NUGGC: variants seen among roughly 807,000 people sequenced by gnomAD.
NUGGC encodes nuclear GTPase SLIP-GC.
Under a neutral mutation model 92.6 loss-of-function variants are expected in NUGGC, and 58 were observed. The observed-to-expected ratio is 0.63, with a 90% confidence interval of 0.51 to 0.78. The LOEUF (loss-of-function observed/expected upper bound fraction) is 0.78, where lower values mean the gene tolerates loss of function less well. Among genes scored for constraint, NUGGC ranks in the 30% least tolerant of loss-of-function variants. The probability of loss-of-function intolerance (pLI) is 0.00; values close to 1 mark genes in which losing one functional copy is unlikely to be tolerated. For missense variants in NUGGC, 925 were observed against 964.6 expected (o/e 0.96, Z 0.54); for synonymous variants, 376 against 366.4 (o/e 1.03, Z -0.30).
At chr8:28,075,769 T>C (rs1810706787) in intron 1 of NUGGC, among the ~76,000 whole-genome samples, 1 of 152,194 alleles carries the variant, frequency 6.6e-6, no homozygotes, top group East Asian at 1.9e-4. Flanking sequence ...ACGGCTTCTG[T>C]ATTTGGTGGG....
At chr8:28,045,364 A>G (rs1809802850) in intron 12 of NUGGC, among the ~76,000 whole-genome samples, 163 bp downstream of exon 12, 3 of 152,160 alleles carry the variant, frequency 2.0e-5, no homozygotes, top group Admixed American at 1.3e-4. Context: ...AAATGTTATG[A>G]TTTTAACCCT....
At chr8:28,055,502 G>A (rs567735150) in intron 10 of NUGGC, among the ~76,000 whole-genome samples, 2 of 152,308 alleles carry the variant, frequency 1.3e-5, no homozygotes, top group East Asian at 3.9e-4. Flanking sequence ...CTTTAAAGAT[G>A]AGAAAATGGT....
Position 28,032,832 on chromosome 8 carries a change from T to G in NUGGC, c.1769+708A>C, listed in dbSNP as rs925187754. 3.3e-5 allele frequency among the ~76,000 whole-genome samples: 5 copies of G among 151,512 alleles called. No individual in the cohort carries two copies. The East Asian group carries it at 9.8e-4, about 30-fold the overall frequency. ...CATGTATGTGAGCAGGCAGAGTGTG[T>G]CAGAAACAGACACAGCATCTTCAGT... On this transcript the variant is annotated intron_variant, in intron 14 of 18. Coordinates refer to ENST00000413272, the MANE Select transcript of NUGGC (RefSeq NM_001010906.2).
chr8:28,050,411 G>C (rs990915030), intron 10 of NUGGC, among the ~76,000 whole-genome samples: 3 of 151,274 alleles, frequency 2.0e-5, no homozygotes, highest in Admixed American at 6.6e-5. Context: ...GAAAGGAAAA[G>C]AAAGGAAAGG....
chr8:28,031,421 G>A (rs754385600), intron 14 of NUGGC, 40 bp from the exon 15 acceptor site: 1 of 1,602,200 alleles, frequency 6.2e-7, no homozygotes, highest in Non-Finnish European at 8.5e-7. Flanking sequence ...GAGAATGGTG[G>A]CTGCTGTGAG....
intron 18 of NUGGC, among the ~76,000 whole-genome samples, chr8:28,024,359 C>G (rs1217090247): frequency 2.0e-5 from 3 of 152,010 alleles, no homozygotes; most frequent in African/African-American, 4.8e-5. Context: ...CTTGGTTGGG[C>G]CTTTGTCTGC....
intron 2 of NUGGC, among the ~76,000 whole-genome samples, chr8:28,072,990 T>C (rs1341777427): frequency 2.8e-5 from 4 of 143,704 alleles, no homozygotes; most frequent in African/African-American, 8.1e-5. Context: ...TGCGGTTTCA[T>C]TGTTGACTGT....
At chr8:28,023,748 A>G (rs1254468102) in intron 18 of NUGGC, among the ~76,000 whole-genome samples, 1 of 152,182 alleles carries the variant, frequency 6.6e-6, no homozygotes, top group Non-Finnish European at 1.5e-5. Context: ...ATGTTGCACA[A>G]TAACACCTCC....
chr8:28,082,173 T>C (rs1346230583), intron 1 of NUGGC, among the ~76,000 whole-genome samples: 1 of 152,024 alleles, frequency 6.6e-6, no homozygotes, highest in Non-Finnish European at 1.5e-5. Context: ...GGCCTCCAAA[T>C]CTCTAAAGGA....
chr8:28,074,343 T>G lies in NUGGC; in HGVS notation c.43+25A>C, dbSNP rs1286963325. The G allele has an allele frequency of 3.3e-6, 5 of 1,536,858 alleles. No homozygotes were observed. The Admixed American group carries it at 6.7e-5, about 21-fold the overall frequency. ...CAGTAATCAGTTCCTATATCCTCCA[T>G]CAGAAGATACTGCAAAGATGTTACC... On this transcript the variant is annotated intron_variant, in intron 2 of 18. Coordinates refer to ENST00000413272, the MANE Select transcript of NUGGC (RefSeq NM_001010906.2).
intron 8 of NUGGC, 42 bp from the exon 9 acceptor site, chr8:28,058,318 A>G (rs1486145060): frequency 5.3e-6 from 2 of 375,852 alleles, no homozygotes; most frequent in Admixed American, 4.6e-5. Context: ...CTTAATTTTT[A>G]CTATGTGTCA....
At chr8:28,072,588 C>A (rs184630033) in intron 2 of NUGGC, among the ~76,000 whole-genome samples, 2 of 152,082 alleles carry the variant, frequency 1.3e-5, no homozygotes, top group East Asian at 1.9e-4. Flanking sequence ...GGACTGGCAA[C>A]GAATCTGATA....
At chr8:28,038,630 G>T (rs1809615936) in intron 13 of NUGGC, among the ~76,000 whole-genome samples, 1 of 152,170 alleles carries the variant, frequency 6.6e-6, no homozygotes, top group Non-Finnish European at 1.5e-5. Context: ...CAAAGTCCTT[G>T]TTACATGCAG....
chr8:28,027,159 G>A, intron 17 of NUGGC, 107 bp from the exon 18 acceptor site: 2 of 902,050 alleles, frequency 2.2e-6, no homozygotes, highest in East Asian at 4.9e-5. Context: ...GTACAGACTG[G>A]GGTTGCCAAA....
At chr8:28,030,441 G>A (rs1297108058) in intron 15 of NUGGC, 23 bp from the exon 16 acceptor site, 1 of 1,337,640 alleles carries the variant, frequency 7.5e-7, no homozygotes, top group Non-Finnish European at 1.1e-6. Context: ...GGCAAAAGAG[G>A]CCGTTGGTGA....
chr8:28,082,502 G>C (rs1043636727), intron 1 of NUGGC, among the ~76,000 whole-genome samples: 2 of 152,166 alleles, frequency 1.3e-5, no homozygotes, highest in African/African-American at 4.8e-5. Context: ...TTTCTTTTGG[G>C]AGGAATGATT....
Position 28,030,400 on chromosome 8 carries a change from C to A in NUGGC, c.1927G>T (p.Gly643Cys). The A allele has an allele frequency of 6.4e-7, 1 of 1,571,004 alleles. No individual in the cohort carries two copies. The highest frequency in any genetic ancestry group is 1.8e-5 in the Admixed American group (1 of 54,250). ...CTTCTGAGGATGTGGTCCTCCAGGC[C>A]CCCGAGGATGGCACTTATCTGGGAA... is the stretch of plus-strand genomic sequence containing the variant. Reference protein sequence around the residue: ...LIQEISAILGGLEDHILRRKR... With the variant: ...LIQEISAILGCLEDHILRRKR... Residue 643 changes from glycine (G) to cysteine (C), a missense_variant, in exon 16 of 19, where the codon GGC becomes TGC. Transcript: ENST00000413272.
At position 28,067,625 on chromosome 8, in the gene NUGGC, T is replaced by C; in HGVS notation, c.600A>G (p.Leu200=). ...CTGCCCCATTTCCATAAATCATTTG[T>C]AGCTTCCAGGTGGCTTCCTCCACTG... ...DEAVEEATWK[L]QMIYGNGAES... The change falls in exon 6 of 19, where the codon CTA becomes CTG. Residue 200 remains leucine, a synonymous_variant. Transcript: ENST00000413272. 1 of 1,614,004 alleles carries C rather than the reference T, an allele frequency of 6.2e-7. No homozygotes were observed. Among genetic ancestry groups the C allele is most frequent in the Non-Finnish European group, 8.5e-7 (1 of 1,179,828 alleles).
chr8:28,080,286 CA>C (rs1563235297), intron 1 of NUGGC, among the ~76,000 whole-genome samples: 1 of 150,604 alleles, frequency 6.6e-6, no homozygotes, highest in Non-Finnish European at 1.5e-5. Flanking sequence ...TAAAACAAGC[CA>C]GAGAGAGAGA....
Sources: allele counts gnomAD v4.1 joint callset (sites outside exome capture counted in the v4.1 genomes callset), GRCh38; gene constraint gnomAD v4.1.1; transcripts MANE v1.5; gene names NCBI Gene and HGNC (gene_info 2026-07-23, HGNC 2026-07-21).